GRIN2B: variants seen among roughly 807,000 people sequenced by gnomAD.
GRIN2B encodes the protein glutamate receptor ionotropic, NMDA 2B.
A neutral mutation model predicts 114.5 loss-of-function variants in GRIN2B; 5 were observed. The ratio of observed to expected loss-of-function variants is 0.04; its 90% CI spans 0.02 to 0.09. GRIN2B has a LOEUF of 0.09. Ranked by LOEUF, GRIN2B falls within the 10% of genes least tolerant of loss-of-function variation. GRIN2B has a pLI of 1.00. For synonymous variants in GRIN2B, 787 were observed against 745.1 expected (o/e 1.06, Z -0.92); for missense variants, 1,108 against 1,943.5 (o/e 0.57, Z 8.08).
At chr12:13,624,770 A>C (rs1282453202) in intron 5 of GRIN2B, among the ~76,000 whole-genome samples, 1 of 152,146 alleles carries the variant, frequency 6.6e-6, no homozygotes, top group Non-Finnish European at 1.5e-5. Context: ...CTCGGGCCTC[A>C]GATGCTATCC....
At chr12:13,800,884 GA>G (rs1291431533) in intron 3 of GRIN2B, among the ~76,000 whole-genome samples, 1 of 152,074 alleles carries the variant, frequency 6.6e-6, no homozygotes, top group Non-Finnish European at 1.5e-5. Context: ...AAATACATAA[GA>G]AAATGATATA....
At chr12:13,751,142 T>G (rs539829420) in intron 4 of GRIN2B, among the ~76,000 whole-genome samples, 1 of 152,252 alleles carries the variant, frequency 6.6e-6, no homozygotes, top group Non-Finnish European at 1.5e-5. Flanking sequence ...CATGGTGTTT[T>G]TGAAGAACTA....
chr12:13,874,179 C>T (rs570616240), intron 2 of GRIN2B, among the ~76,000 whole-genome samples: 5 of 152,316 alleles, frequency 3.3e-5, no homozygotes, highest in Admixed American at 2.0e-4. Context: ...GGAACCTCTC[C>T]CGAGTAAGAG....
chr12:13,708,835 T>C (rs1158354529), intron 4 of GRIN2B, among the ~76,000 whole-genome samples: 2 of 152,094 alleles, frequency 1.3e-5, no homozygotes, highest in African/African-American at 2.4e-5. Flanking sequence ...CATTCGAAAA[T>C]ATTTATTGAG....
At chr12:13,728,331 C>T (rs1475108747) in intron 4 of GRIN2B, among the ~76,000 whole-genome samples, 1 of 152,076 alleles carries the variant, frequency 6.6e-6, no homozygotes. Context: ...ATATTGAAGG[C>T]TAGAAATTTT....
intron 2 of GRIN2B, among the ~76,000 whole-genome samples, chr12:13,965,924 T>C (rs1030742676): frequency 6.6e-6 from 1 of 152,216 alleles, no homozygotes; most frequent in African/African-American, 2.4e-5. Flanking sequence ...GCTTTCTTTT[T>C]AGAATAAGAC....
Position 13,556,357 on chromosome 12 carries a change from T to C in GRIN2B, c.*6426A>G, listed in dbSNP as rs1266048222. The C allele has an allele frequency of 2.0e-5, 3 of 152,216 alleles. No individual in the cohort carries two copies. The highest frequency in any genetic ancestry group is 7.2e-5 in the African/African-American group (3 of 41,456). 9.4% of individuals were successfully genotyped at this position (152,216 alleles called of 1,614,324 possible). On this transcript the variant is annotated 3_prime_UTR_variant, in exon 14 of 14. Transcript: ENST00000609686. ...CATACATTTACATATTTTATACTTA[T>C]GCTTTCATATATTCTACGTGAGTAC...
chr12:13,786,357 C>A (rs1864221052), intron 3 of GRIN2B, among the ~76,000 whole-genome samples: 1 of 152,132 alleles, frequency 6.6e-6, no homozygotes, highest in South Asian at 2.1e-4. Context: ...GTCCTATATA[C>A]CCAATTGTAT....
chr12:13,772,490 C>G (rs948159310), intron 3 of GRIN2B, among the ~76,000 whole-genome samples: 2 of 152,164 alleles, frequency 1.3e-5, no homozygotes, highest in Admixed American at 1.3e-4. Context: ...ACCCACTTGC[C>G]CTGATTCTTT....
chr12:13,807,430 CCTT>C (rs1224956056), intron 3 of GRIN2B, among the ~76,000 whole-genome samples: 2 of 152,012 alleles, frequency 1.3e-5, no homozygotes, highest in African/African-American at 4.8e-5. Context: ...CACATAATGC[CCTT>C]CTCCTTCTCA....
At chr12:13,891,990 T>C (rs937692730) in intron 2 of GRIN2B, among the ~76,000 whole-genome samples, 1 of 152,230 alleles carries the variant, frequency 6.6e-6, no homozygotes, top group Admixed American at 6.5e-5. Context: ...AATATTGCCT[T>C]AGCACTTCTT....
intron 3 of GRIN2B, among the ~76,000 whole-genome samples, chr12:13,852,702 A>AAAC (rs915300117): frequency 6.6e-6 from 1 of 151,616 alleles, no homozygotes; most frequent in Non-Finnish European, 1.5e-5. Context: ...GAAAAAAAAA[A>AAAC]AAAAAAAACA....
chr12:13,690,567 C>G (rs1238055474), intron 4 of GRIN2B, among the ~76,000 whole-genome samples: 1 of 152,054 alleles, frequency 6.6e-6, no homozygotes, highest in Admixed American at 6.6e-5. Context: ...TTAAACTTCT[C>G]CCTTTTGATG....
At chr12:13,843,805 A>C (rs1441729318) in intron 3 of GRIN2B, among the ~76,000 whole-genome samples, 1 of 152,220 alleles carries the variant, frequency 6.6e-6, no homozygotes, top group Non-Finnish European at 1.5e-5. Context: ...GTTTCCAGCC[A>C]ATCACCAAAT....
intron 4 of GRIN2B, among the ~76,000 whole-genome samples, chr12:13,737,424 G>T (rs2110983): frequency 0.47 from 71,181 of 151,784 alleles, 17,746 homozygotes; most frequent in East Asian, 0.78. Flanking sequence ...TGTTAGCCAG[G>T]ATGGCCTCAA....
chr12:13,739,644 GAA>G (rs1404814572), intron 4 of GRIN2B, among the ~76,000 whole-genome samples: 2 of 150,988 alleles, frequency 1.3e-5, no homozygotes, highest in Non-Finnish European at 3.0e-5. Context: ...TGGCTGATGA[GAA>G]AGATTCTGAA....
chr12:13,729,036 T>C (rs1418736939), intron 4 of GRIN2B, among the ~76,000 whole-genome samples: 1 of 152,166 alleles, frequency 6.6e-6, no homozygotes, highest in East Asian at 1.9e-4. Flanking sequence ...CATAATACAA[T>C]GGTATTCTCA....
chr12:13,852,298 G>A (rs1865580866), intron 3 of GRIN2B, among the ~76,000 whole-genome samples: 1 of 152,150 alleles, frequency 6.6e-6, no homozygotes, highest in African/African-American at 2.4e-5. Flanking sequence ...ATATTCAGCT[G>A]CAACTAGGTA....
At chr12:13,711,812 C>CA (rs1950417770) in intron 4 of GRIN2B, among the ~76,000 whole-genome samples, 1 of 152,156 alleles carries the variant, frequency 6.6e-6, no homozygotes, top group African/African-American at 2.4e-5. Flanking sequence ...TTGTGGAAGT[C>CA]AGTGTGGCGA....
Sources: allele counts gnomAD v4.1 joint callset (sites outside exome capture counted in the v4.1 genomes callset), GRCh38; gene constraint gnomAD v4.1.1; transcripts MANE v1.5; gene names NCBI Gene and HGNC (gene_info 2026-07-23, HGNC 2026-07-21).